The following ZNF804B variants were observed in gnomAD, a reference collection of about 807,000 sequenced individuals.
ZNF804B encodes zinc finger protein 804B.
A neutral mutation model predicts 101.4 loss-of-function variants in ZNF804B; 80 were observed. That is an observed-to-expected ratio of 0.79 (90% confidence interval 0.66 to 0.95). The LOEUF is 0.95. Ranked by LOEUF, ZNF804B falls within the 40% of genes least tolerant of loss-of-function variation. The pLI is 0.00. For synonymous variants in ZNF804B, 622 were observed against 558.8 expected, an observed-to-expected ratio of 1.11 and a Z score of -1.59; for missense variants, 1,673 against 1,561.9, an observed-to-expected ratio of 1.07 and a Z score of -1.20.
chr7:89,037,629 G>T (rs145370710), intron 1 of ZNF804B, among the ~76,000 whole-genome samples: 1 of 151,254 alleles, frequency 6.6e-6, no homozygotes, highest in African/African-American at 2.4e-5. Flanking sequence ...TGTATCCATT[G>T]CCTCACACAG....
chr7:89,269,433 T>C (rs1288726117), intron 2 of ZNF804B, among the ~76,000 whole-genome samples: 1 of 152,242 alleles, frequency 6.6e-6, no homozygotes, highest in Non-Finnish European at 1.5e-5. Context: ...ATGGTGTATA[T>C]GTGCCACATT....
intron 1 of ZNF804B, among the ~76,000 whole-genome samples, chr7:89,135,683 A>G (rs1790623163): frequency 6.6e-6 from 1 of 152,042 alleles, no homozygotes; most frequent in Non-Finnish European, 1.5e-5. Flanking sequence ...AAAGCTTTTT[A>G]TCATCTAATT....
At chr7:88,845,776 A>G (rs1791364696) in intron 1 of ZNF804B, among the ~76,000 whole-genome samples, 1 of 152,282 alleles carries the variant, frequency 6.6e-6, no homozygotes, top group Middle Eastern at 3.4e-3. Context: ...TCCAGTTTGC[A>G]ACTGATTGCT....
chr7:88,884,507 A>G (rs1045172731), intron 1 of ZNF804B, among the ~76,000 whole-genome samples: 2 of 151,916 alleles, frequency 1.3e-5, no homozygotes, highest in South Asian at 4.1e-4. Context: ...AAAAAAATCT[A>G]TGGCACTATA....
intron 1 of ZNF804B, among the ~76,000 whole-genome samples, chr7:88,970,272 G>C (rs1027566792): frequency 6.6e-6 from 1 of 151,444 alleles, no homozygotes; most frequent in Non-Finnish European, 1.5e-5. Flanking sequence ...CATGTGCCAT[G>C]GTGGTTTGCT....
intron 1 of ZNF804B, among the ~76,000 whole-genome samples, chr7:88,978,187 G>A (rs373668096): frequency 2.0e-5 from 3 of 151,664 alleles, no homozygotes; most frequent in African/African-American, 7.2e-5. Flanking sequence ...GTGCTGAAGA[G>A]ACTAATGTGG....
intron 1 of ZNF804B, among the ~76,000 whole-genome samples, chr7:88,918,179 A>G (rs1792663143): frequency 6.6e-6 from 1 of 152,172 alleles, no homozygotes; most frequent in East Asian, 1.9e-4. Context: ...CAAAAGGACT[A>G]GATAAACAGT....
intron 2 of ZNF804B, among the ~76,000 whole-genome samples, chr7:89,322,574 G>T (rs1790836536): frequency 6.6e-6 from 1 of 152,012 alleles, no homozygotes; most frequent in African/African-American, 2.4e-5. Context: ...CCAATATCAG[G>T]TTTAAATGAG....
intron 1 of ZNF804B, among the ~76,000 whole-genome samples, chr7:88,787,584 A>G (rs1247669771): frequency 6.6e-6 from 1 of 152,182 alleles, no homozygotes; most frequent in Non-Finnish European, 1.5e-5. Context: ...AAGTGTTTAA[A>G]CGTTCTTCAA....
chr7:88,876,200 C>G (rs185433107), intron 1 of ZNF804B, among the ~76,000 whole-genome samples: 1 of 152,262 alleles, frequency 6.6e-6, no homozygotes, highest in East Asian at 1.9e-4. Context: ...TTTTAGCTTA[C>G]CATAGCAACC....
intron 1 of ZNF804B, among the ~76,000 whole-genome samples, chr7:88,802,350 A>C (rs1583945823): frequency 6.6e-6 from 1 of 152,278 alleles, no homozygotes; most frequent in South Asian, 2.1e-4. Flanking sequence ...GGGTCCTAGA[A>C]GCTACAGTGG....
chr7:88,873,938 G>T (rs1164033825), intron 1 of ZNF804B, among the ~76,000 whole-genome samples: 5 of 152,130 alleles, frequency 3.3e-5, no homozygotes, highest in South Asian at 2.1e-4. Flanking sequence ...GCTTAGGATT[G>T]ACTTGGCAAT....
intron 2 of ZNF804B, among the ~76,000 whole-genome samples, chr7:89,258,346 T>TG (rs757639246): frequency 5.8e-4 from 88 of 152,206 alleles, no homozygotes; most frequent in Non-Finnish European, 8.2e-4. Flanking sequence ...CCCCCTTAAT[T>TG]GCTCAGAATC....
intron 2 of ZNF804B, among the ~76,000 whole-genome samples, chr7:89,313,004 C>G (rs971049189): frequency 5.9e-5 from 9 of 152,178 alleles, no homozygotes; most frequent in African/African-American, 2.2e-4. Flanking sequence ...CTGTAAATGT[C>G]TTCCAAATCA....
intron 2 of ZNF804B, among the ~76,000 whole-genome samples, chr7:89,319,664 C>G (rs558754663): frequency 7.0e-4 from 106 of 152,170 alleles, no homozygotes; most frequent in Non-Finnish European, 1.2e-3. Flanking sequence ...CAATGTACTT[C>G]TGAGATAGAA....
intron 1 of ZNF804B, among the ~76,000 whole-genome samples, chr7:88,802,978 T>G (rs1353085768): frequency 6.6e-6 from 1 of 152,152 alleles, no homozygotes; most frequent in Non-Finnish European, 1.5e-5. Flanking sequence ...TGTGCATAAT[T>G]TTAAAATGTT....
At chr7:89,136,768 C>T (rs750564091) in intron 1 of ZNF804B, among the ~76,000 whole-genome samples, 201 of 149,056 alleles carry the variant, frequency 1.3e-3, no homozygotes, top group Non-Finnish European at 2.3e-3. Context: ...TGTGTGTGCG[C>T]GCACGTGTGT....
intron 2 of ZNF804B, among the ~76,000 whole-genome samples, chr7:89,260,097 A>T (rs1401162769): frequency 6.6e-6 from 1 of 152,228 alleles, no homozygotes; most frequent in Non-Finnish European, 1.5e-5. Flanking sequence ...TTGTGTCTTC[A>T]TGGACAAAGC....
chr7:88,823,335 A>T lies in ZNF804B; in HGVS notation c.108+63251A>T, dbSNP rs565632642. ...CACAAAATACTCAGTGATCTCCATG[A>T]TGCCTCTTGCACAGGTATAAACAGC... On this transcript the variant is annotated intron_variant, in intron 1 of 3. Coordinates refer to ENST00000333190, the MANE Select transcript of ZNF804B (RefSeq NM_181646.5). Among the ~76,000 whole-genome samples, 4 of 152,318 alleles carry T rather than the reference A, an allele frequency of 2.6e-5. No homozygotes were observed. The South Asian group carries it at 8.3e-4, about 32-fold the overall frequency.
Sources: gnomAD v4.1 joint callset for allele counts (sites outside exome capture counted in the v4.1 genomes callset) on GRCh38, gnomAD v4.1.1 for gene constraint, MANE v1.5 for transcripts, NCBI Gene and HGNC (gene_info 2026-07-23, HGNC 2026-07-21) for gene names.